Variants in SUGCT observed in about 807,000 individuals in gnomAD.
The protein encoded by SUGCT is succinyl-CoA:glutarate CoA-transferase.
Under a neutral mutation model 55.0 loss-of-function variants are expected in SUGCT, and 41 were observed. The observed-to-expected ratio is 0.74, with a 90% CI of 0.58 to 0.97. The LOEUF is 0.97. Among genes scored for constraint, SUGCT ranks in the 50% least tolerant of loss-of-function variants. The pLI is 0.00. For synonymous variants in SUGCT, 187 were observed against 200.4 expected (o/e 0.93, Z 0.56); for missense variants, 568 against 547.8 (o/e 1.04, Z -0.37).
intron 1 of SUGCT, among the ~76,000 whole-genome samples, chr7:40,167,866 C>G (rs1253629506): frequency 6.6e-6 from 1 of 152,120 alleles, no homozygotes; most frequent in African/African-American, 2.4e-5. Flanking sequence ...TCAGTTTGAG[C>G]TATAAAAATC....
chr7:40,414,768 C>T (rs541255956), intron 9 of SUGCT, among the ~76,000 whole-genome samples: 10 of 152,020 alleles, frequency 6.6e-5, no homozygotes, highest in South Asian at 6.2e-4. Flanking sequence ...ATTGGCTGGG[C>T]GCGGTGGCTC....
the SUGCT span, among the ~76,000 whole-genome samples, chr7:40,900,264 A>G: frequency 6.6e-6 from 1 of 152,176 alleles, no homozygotes; most frequent in African/African-American, 2.4e-5. Context: ...CCGCCCAGCT[A>G]TTTCTTTCCC....
chr7:40,152,050 GT>G (rs1360765212), intron 1 of SUGCT, among the ~76,000 whole-genome samples: 1 of 152,158 alleles, frequency 6.6e-6, no homozygotes, highest in African/African-American at 2.4e-5. Context: ...AGAACGCAGG[GT>G]CTAGGAAATA....
intron 1 of SUGCT, among the ~76,000 whole-genome samples, chr7:40,139,406 C>T (rs1787870770): frequency 6.6e-6 from 1 of 152,112 alleles, no homozygotes; most frequent in South Asian, 2.1e-4. Context: ...CCATGTTGGC[C>T]AGGCTTGTCT....
intron 12 of SUGCT, among the ~76,000 whole-genome samples, chr7:40,506,365 A>T (rs1792593050): frequency 6.6e-6 from 1 of 152,010 alleles, no homozygotes; most frequent in Non-Finnish European, 1.5e-5. Context: ...TAATGTGGTA[A>T]TCTTACTAGA....
At chr7:40,489,943 A>G (rs916015715) in intron 11 of SUGCT, among the ~76,000 whole-genome samples, 8 of 152,158 alleles carry the variant, frequency 5.3e-5, no homozygotes, top group Non-Finnish European at 8.8e-5. Flanking sequence ...ATGCCTAGTA[A>G]TGTTCCTCAA....
the SUGCT span, among the ~76,000 whole-genome samples, chr7:41,037,626 C>T: frequency 6.6e-6 from 1 of 151,746 alleles, no homozygotes; most frequent in South Asian, 2.1e-4. Flanking sequence ...AGTTGCAATT[C>T]CAGAGGCCTT....
chr7:40,559,473 T>C lies in SUGCT; in HGVS notation c.1089+63087T>C, dbSNP rs554664797. On this transcript the variant is annotated intron_variant, in intron 12 of 13. Coordinates refer to ENST00000335693, the MANE Select transcript of SUGCT (RefSeq NM_001193313.2). ...AAATGTGATAAAGTCACCCAGTGGTTACAATTGTCCTACCTGTCCCATAGC... is the reference window on the plus strand; with the variant it reads ...AAATGTGATAAAGTCACCCAGTGGTCACAATTGTCCTACCTGTCCCATAGC... Among the ~76,000 whole-genome samples the C allele has an allele frequency of 2.0e-5, 3 of 152,376 alleles. No individual in the cohort carries two copies. The East Asian group carries it at 5.8e-4, about 29-fold the overall frequency.
At chr7:40,876,036 C>G in the SUGCT span, among the ~76,000 whole-genome samples, 1 of 152,214 alleles carries the variant, frequency 6.6e-6, no homozygotes, top group African/African-American at 2.4e-5. Context: ...GGGTTTTGGA[C>G]AACCCATTGA....
chr7:40,930,776 C>T, the SUGCT span, among the ~76,000 whole-genome samples: 7 of 150,394 alleles, frequency 4.7e-5, no homozygotes, highest in Non-Finnish European at 8.8e-5. Context: ...GATTTTGTAT[C>T]CTGAGACTTT....
In SUGCT at chr7:40,188,636, A is replaced by T. The variant is rs115327068; in HGVS notation, c.312+56A>T. On this transcript the variant is annotated intron_variant, in intron 4 of 13. Coordinates refer to ENST00000335693, the MANE Select transcript of SUGCT (RefSeq NM_001193313.2). The stretch of plus-strand genomic sequence containing the variant: ...TGTGTAATTCTCTTATAATAGCAAA[A>T]CTGTTGATATCATTGTGGCTTGTTT... 3.9e-3 allele frequency: 4,194 copies of T among 1,086,496 alleles called. 106 individuals are homozygous for T. In the African/African-American group the frequency reaches 0.061, roughly 16 times the overall value. 67.3% of individuals were successfully genotyped at this position (1,086,496 alleles called of 1,614,324 possible).
chr7:40,701,842 C>G (rs1785184023), intron 12 of SUGCT, among the ~76,000 whole-genome samples: 1 of 152,148 alleles, frequency 6.6e-6, no homozygotes, highest in Non-Finnish European at 1.5e-5. Context: ...GGAAGAAGTT[C>G]TTATGTGGCC....
the SUGCT span, among the ~76,000 whole-genome samples, chr7:40,915,453 T>C: frequency 6.6e-6 from 1 of 152,104 alleles, no homozygotes; most frequent in South Asian, 2.1e-4. Flanking sequence ...GAATGTTTAG[T>C]CTCTAAGAAA....
the SUGCT span, among the ~76,000 whole-genome samples, chr7:40,925,859 T>C: frequency 6.6e-6 from 1 of 152,158 alleles, no homozygotes; most frequent in East Asian, 1.9e-4. Flanking sequence ...TTTGGGAGGC[T>C]GAGATGGGGG....
intron 12 of SUGCT, among the ~76,000 whole-genome samples, chr7:40,683,726 C>G (rs184025915): frequency 6.6e-6 from 1 of 152,302 alleles, no homozygotes; most frequent in African/African-American, 2.4e-5. Flanking sequence ...TATTAAGTGT[C>G]AACATTCACT....
chr7:40,290,606 A>G (rs1030806075), intron 8 of SUGCT, among the ~76,000 whole-genome samples: 9 of 152,228 alleles, frequency 5.9e-5, no homozygotes, highest in Non-Finnish European at 1.0e-4. Flanking sequence ...CAAGGACTAC[A>G]TGTCTAAAAC....
intron 12 of SUGCT, among the ~76,000 whole-genome samples, chr7:40,694,823 T>G (rs1311869419): frequency 6.6e-6 from 1 of 152,216 alleles, no homozygotes; most frequent in Non-Finnish European, 1.5e-5. Flanking sequence ...GAAATGGCTC[T>G]GAACTTTCTG....
chr7:41,031,777 AC>A, the SUGCT span, among the ~76,000 whole-genome samples: 1 of 151,796 alleles, frequency 6.6e-6, no homozygotes, highest in African/African-American at 2.4e-5. Flanking sequence ...TTCTCTGAGC[AC>A]CCTCCCTAAC....
the SUGCT span, among the ~76,000 whole-genome samples, chr7:40,971,612 A>T: frequency 6.6e-6 from 1 of 152,282 alleles, no homozygotes; most frequent in African/African-American, 2.4e-5. Context: ...ACATTGAGTG[A>T]GAGTGTTTTT....
Sources: allele counts gnomAD v4.1 joint callset (sites outside exome capture counted in the v4.1 genomes callset), GRCh38; gene constraint gnomAD v4.1.1; transcripts MANE v1.5; gene names NCBI Gene and HGNC (gene_info 2026-07-23, HGNC 2026-07-21).